Variants in DUT observed in about 807,000 individuals in gnomAD.
DUT encodes the protein deoxyuridine 5'-triphosphate nucleotidohydrolase, mitochondrial.
In DUT, 21 loss-of-function variants were observed where a neutral mutation model predicts 28.8. The observed-to-expected ratio is 0.73, with a 90% confidence interval of 0.52 to 1.05. The LOEUF (loss-of-function observed/expected upper bound fraction) is 1.05. Ranked by LOEUF, DUT falls within the 50% of genes least tolerant of loss-of-function variation. The probability of loss-of-function intolerance (pLI) is 0.00; values close to 1 mark genes in which losing one functional copy is unlikely to be tolerated. For missense variants in DUT, 344 were observed against 351.8 expected, an observed-to-expected ratio of 0.98 and a Z score of 0.18; for synonymous variants, 147 against 143.7, an observed-to-expected ratio of 1.02 and a Z score of -0.17.
intron 2 of DUT, among the ~76,000 whole-genome samples, chr15:48,333,508 A>C (rs2042441860): frequency 6.6e-6 from 1 of 152,196 alleles, no homozygotes; most frequent in East Asian, 1.9e-4. Context: ...ATGGATCAGC[A>C]ATAAATTAGG....
At chr15:48,334,755 C>G (rs1394837214) in intron 3 of DUT, among the ~76,000 whole-genome samples, 2 of 152,202 alleles carry the variant, frequency 1.3e-5, no homozygotes, top group Non-Finnish European at 2.9e-5. Context: ...GAAGGCTGTT[C>G]TCAGAACATG....
intron 3 of DUT, among the ~76,000 whole-genome samples, chr15:48,335,193 G>T (rs1391683006): frequency 6.6e-6 from 1 of 152,136 alleles, no homozygotes; most frequent in African/African-American, 2.4e-5. Flanking sequence ...TTCAGGGGAA[G>T]GGGCAGGAGA....
rs2141155297 is a variant in DUT at position 48,331,766 on chromosome 15, A to C, written c.251A>C (p.Lys84Thr). Residue 84 changes from lysine to threonine, a missense_variant, in exon 1 of 7, where the codon AAG (lysine) becomes ACG (threonine). Lys to Thr is a moderately conservative substitution (Grantham distance 78, BLOSUM62 -1). Coordinates refer to ENST00000331200, the MANE Select transcript of DUT (RefSeq NM_001025248.2). ...GAAGWKGELP[K>T]AGGSPAPGPE... ...GCTGGCTGGAAGGGCGAGCTTCCTA[A>C]GGCGGGGGGAAGCCCGGCGCCGGGG... The C allele has an allele frequency of 7.2e-7, 1 of 1,395,294 alleles. No individual in the cohort carries two copies. Among genetic ancestry groups the C allele is most frequent in the South Asian group, 1.6e-5 (1 of 63,240 alleles). The allele number at this position is 1,395,294 out of a possible 1,614,324, so 86.4% of individuals were successfully genotyped here. A position where few individuals can be genotyped will look rare whatever the true frequency, so the allele number is the denominator to read the frequency against.
Position 48,342,215 on chromosome 15 carries a change from T to A in DUT, c.*137T>A. ...TACCTTCTAAAAGTACTGCATTTTT[T>A]ACTTTTTTTTATGATCAAGGAAAAG... On this transcript the variant is annotated 3_prime_UTR_variant, in exon 7 of 7. Coordinates refer to ENST00000331200, the MANE Select transcript of DUT (RefSeq NM_001025248.2). 2 of 447,966 alleles carry A rather than the reference T, an allele frequency of 4.5e-6. No homozygotes were observed. The highest frequency in any genetic ancestry group is 3.7e-5 in the East Asian group (1 of 26,780). 27.7% of individuals were successfully genotyped at this position (447,966 alleles called of 1,614,324 possible).
intron 2 of DUT, 181 bp downstream of exon 2, chr15:48,332,587 C>T (rs2042430646): frequency 1.4e-6 from 1 of 711,340 alleles, no homozygotes; most frequent in South Asian, 1.6e-5. Context: ...TGGGCAAAGA[C>T]TGCAGAATAA....
chr15:48,334,593 G>A (rs970221297), intron 3 of DUT, 85 bp downstream of exon 3: 4 of 970,658 alleles, frequency 4.1e-6, no homozygotes, highest in South Asian at 3.2e-5. Context: ...TAATAAGCAG[G>A]CAATATTGCT....
At chr15:48,338,271 C>T (rs1185232486) in intron 4 of DUT, among the ~76,000 whole-genome samples, 2 of 151,992 alleles carry the variant, frequency 1.3e-5, no homozygotes, top group African/African-American at 4.8e-5. Flanking sequence ...CTTTTAGTCA[C>T]TTAAAGGTTT....
chr15:48,342,294 A>T lies in DUT; in HGVS notation c.*216A>T, dbSNP rs1036680871. The T allele has an allele frequency of 1.2e-5, 4 of 320,652 alleles. No individual in the cohort carries two copies. Among genetic ancestry groups the T allele is most frequent in the African/African-American group, 6.5e-5 (3 of 46,196 alleles). 19.9% of individuals were successfully genotyped at this position (320,652 alleles called of 1,614,324 possible). ...TTCTTTGTGTTTGGATCAAAAAGAA[A>T]CTTTGTTTTTCCGCAATTGAAGGTT... On this transcript the variant is annotated 3_prime_UTR_variant, in exon 7 of 7. Transcript: ENST00000331200.
chr15:48,342,004 T>C lies in DUT; in HGVS notation c.703-18T>C. 1 of 1,562,550 alleles carries C rather than the reference T, an allele frequency of 6.4e-7. No individual in the cohort carries two copies. On this transcript the variant is annotated intron_variant, in intron 6 of 6. Transcript: ENST00000331200. Reference sequence around the variant, plus strand: ...TCTTAAAAAAAACTGTGAAGCTTACTACCTTTCTATCTTTCAGGCCTTGGA... The same window carrying C: ...TCTTAAAAAAAACTGTGAAGCTTACCACCTTTCTATCTTTCAGGCCTTGGA...
chr15:48,334,289 T>C (rs2042451258), intron 2 of DUT, 128 bp from the exon 3 acceptor site: 9 of 543,200 alleles, frequency 1.7e-5, no homozygotes, highest in Non-Finnish European at 2.5e-5. Context: ...CAAGGTTGAT[T>C]TTAGAAACTA....
intron 2 of DUT, among the ~76,000 whole-genome samples, chr15:48,333,833 C>T (rs1276722751): frequency 1.3e-5 from 2 of 152,196 alleles, no homozygotes; most frequent in Admixed American, 6.5e-5. Flanking sequence ...AGTTCTTTAT[C>T]TCTTATTTTG....
intron 2 of DUT, 138 bp downstream of exon 2, chr15:48,332,544 G>A (rs1048976455): frequency 1.2e-4 from 102 of 848,622 alleles, no homozygotes; most frequent in Non-Finnish European, 1.8e-4. Flanking sequence ...TAAAATTTTA[G>A]CTTTCATCTT....
At chr15:48,331,427 A>G, upstream of DUT, 2 of 1,561,342 alleles carry the variant, frequency 1.3e-6, no homozygotes, top group Non-Finnish European at 1.7e-6. Context: ...TTCCGAGGTC[A>G]TGTTCCCAGG....
At chr15:48,339,839 A>G (rs2042513443) in intron 4 of DUT, among the ~76,000 whole-genome samples, 1 of 152,206 alleles carries the variant, frequency 6.6e-6, no homozygotes, top group Non-Finnish European at 1.5e-5. Context: ...ATTCATTCAT[A>G]AAGCACAGGG....
intron 4 of DUT, among the ~76,000 whole-genome samples, chr15:48,340,476 G>T (rs533780951): frequency 6.6e-6 from 1 of 152,020 alleles, no homozygotes; most frequent in Non-Finnish European, 1.5e-5. Context: ...GAAAAGGCCC[G>T]GTGCACCTGT....
chr15:48,341,866 C>A, intron 6 of DUT, 156 bp from the exon 7 acceptor site: 1 of 633,214 alleles, frequency 1.6e-6, no homozygotes, highest in Non-Finnish European at 2.7e-6. Flanking sequence ...ATTTATGGAG[C>A]TTTTTAGAAT....
intron 1 of DUT, 134 bp from the exon 2 acceptor site, chr15:48,332,134 G>T (rs544519404): frequency 7.1e-7 from 1 of 1,406,742 alleles, no homozygotes; most frequent in South Asian, 1.5e-5. Flanking sequence ...CCGGGGAGGG[G>T]CGGTGGGTGG....
chr15:48,335,864 T>G (rs1012795102), intron 3 of DUT, among the ~76,000 whole-genome samples, 182 bp from the exon 4 acceptor site: 1 of 152,232 alleles, frequency 6.6e-6, no homozygotes, highest in Non-Finnish European at 1.5e-5. Flanking sequence ...TAAACTAGTC[T>G]TTCCAACTTT....
chr15:48,335,349 G>C (rs901966617), intron 3 of DUT, among the ~76,000 whole-genome samples: 24 of 152,154 alleles, frequency 1.6e-4, no homozygotes, highest in Admixed American at 6.5e-5. Context: ...TGTAACCTTA[G>C]CTTTTTATTT....
Sources: allele counts gnomAD v4.1 joint callset (sites outside exome capture counted in the v4.1 genomes callset), GRCh38; gene constraint gnomAD v4.1.1; transcripts MANE v1.5; gene names NCBI Gene and HGNC (gene_info 2026-07-23, HGNC 2026-07-21).